Variants in CA1 observed in about 807,000 individuals in gnomAD.
CA1 encodes carbonic anhydrase 1, also known as carbonate dehydratase I.
CA1 carries 27 observed loss-of-function variants against 28.8 expected under a neutral mutation model. The ratio of observed to expected loss-of-function variants is 0.94; its 90% CI spans 0.69 to 1.29. CA1 has a LOEUF of 1.29. CA1 is among the 50% of genes most tolerant of loss of function. The probability of loss-of-function intolerance (pLI) is 0.00; values close to 1 mark genes in which losing one functional copy is unlikely to be tolerated. For synonymous variants in CA1, 121 were observed against 108.8 expected (o/e 1.11, Z -0.70); for missense variants, 335 against 310.5 (o/e 1.08, Z -0.59).
intron 1 of CA1, among the ~76,000 whole-genome samples, chr8:85,372,909 T>C (rs1203876031): frequency 1.3e-5 from 2 of 152,166 alleles, no homozygotes; most frequent in Non-Finnish European, 2.9e-5. Flanking sequence ...AGTGCTTGTG[T>C]TCAAGTAACC....
chr8:85,348,115 G>C (rs1433278140), intron 1 of CA1, among the ~76,000 whole-genome samples: 2 of 151,956 alleles, frequency 1.3e-5, no homozygotes, highest in Non-Finnish European at 2.9e-5. Context: ...TCTCCTTTAG[G>C]AAGAATACTG....
chr8:85,349,406 A>G (rs558515684), intron 1 of CA1, among the ~76,000 whole-genome samples: 1 of 152,362 alleles, frequency 6.6e-6, no homozygotes, highest in East Asian at 1.9e-4. Context: ...AATTCTTCCC[A>G]CTATGATAAA....
chr8:85,353,676 AT>A (rs34589707), intron 1 of CA1, among the ~76,000 whole-genome samples: 21 of 148,010 alleles, frequency 1.4e-4, no homozygotes, highest in Admixed American at 2.7e-4. Context: ...TACAAAGAGT[AT>A]TTTTTTTTTG....
At chr8:85,344,081 G>GTGTA (rs1554696660) in intron 1 of CA1, among the ~76,000 whole-genome samples, 1 of 128,572 alleles carries the variant, frequency 7.8e-6, no homozygotes, top group Non-Finnish European at 1.6e-5. Flanking sequence ...TAAACTAAAA[G>GTGTA]TATATATATA....
In CA1 at chr8:85,329,955, A is replaced by C; in HGVS notation, c.514-111T>G. Reference sequence around the variant, plus strand: ...ATACATTATTTAGAGATTTTAGCTAAGAGTCATTGATTTTTCTACTATTTA... The same window carrying C: ...ATACATTATTTAGAGATTTTAGCTACGAGTCATTGATTTTTCTACTATTTA... On this transcript the variant is annotated intron_variant, in intron 6 of 7. Transcript: ENST00000523022. 3 of 934,350 alleles carry C rather than the reference A, an allele frequency of 3.2e-6. No individual in the cohort carries two copies. The East Asian group carries it at 7.9e-5, about 25-fold the overall frequency. 57.9% of individuals were successfully genotyped at this position (934,350 alleles called of 1,614,324 possible).
chr8:85,367,040 T>C (rs187172547), intron 1 of CA1, among the ~76,000 whole-genome samples: 98 of 152,160 alleles, frequency 6.4e-4, no homozygotes, highest in Middle Eastern at 6.8e-3. Flanking sequence ...ACCTCATATT[T>C]AAAAGTTTAT....
intron 1 of CA1, among the ~76,000 whole-genome samples, chr8:85,347,019 G>C (rs1809219746): frequency 6.6e-6 from 1 of 152,168 alleles, no homozygotes; most frequent in South Asian, 2.1e-4. Flanking sequence ...GTGAAGGTCA[G>C]TTCTATTAAT....
intron 1 of CA1, among the ~76,000 whole-genome samples, chr8:85,362,847 T>G (rs944700186): frequency 6.6e-6 from 1 of 152,162 alleles, no homozygotes; most frequent in African/African-American, 2.4e-5. Flanking sequence ...TATATTATTT[T>G]GATGAAAATA....
intron 1 of CA1, among the ~76,000 whole-genome samples, chr8:85,345,018 G>T (rs1193540085): frequency 2.0e-5 from 3 of 152,144 alleles, no homozygotes; most frequent in Admixed American, 2.0e-4. Flanking sequence ...GTGGAGAAGT[G>T]GGTCATGGAA....
At chr8:85,340,493 G>T (rs954523011) in intron 2 of CA1, among the ~76,000 whole-genome samples, 2 of 152,204 alleles carry the variant, frequency 1.3e-5, no homozygotes, top group East Asian at 3.9e-4. Flanking sequence ...CAAGGAGATT[G>T]ATGTTATGCT....
intron 4 of CA1, among the ~76,000 whole-genome samples, 184 bp from the exon 5 acceptor site, chr8:85,333,804 A>G (rs1281697882): frequency 6.6e-6 from 1 of 152,226 alleles, no homozygotes; most frequent in Non-Finnish European, 1.5e-5. Flanking sequence ...TCTGTGTGCC[A>G]GGTAGAGATT....
chr8:85,356,095 A>G (rs1376902352), intron 1 of CA1, among the ~76,000 whole-genome samples: 1 of 152,180 alleles, frequency 6.6e-6, no homozygotes, highest in Non-Finnish European at 1.5e-5. Context: ...CCTCCAGCCC[A>G]AGAGTTTTTT....
chr8:85,341,324 C>T, intron 2 of CA1: 1 of 309,922 alleles, frequency 3.2e-6, no homozygotes, highest in Non-Finnish European at 5.9e-6. Flanking sequence ...ATGTGACTTG[C>T]TTTCTTGTGA....
chr8:85,347,545 G>A (rs1284717659), intron 1 of CA1, among the ~76,000 whole-genome samples: 1 of 152,172 alleles, frequency 6.6e-6, no homozygotes, highest in Non-Finnish European at 1.5e-5. Flanking sequence ...CTGGCCGCAA[G>A]TGAGGCTCAC....
intron 1 of CA1, among the ~76,000 whole-genome samples, chr8:85,347,959 A>G (rs1052256984): frequency 2.6e-5 from 4 of 152,226 alleles, no homozygotes; most frequent in African/African-American, 9.6e-5. Context: ...ATGTATAATT[A>G]TAACACTACT....
intron 2 of CA1, among the ~76,000 whole-genome samples, chr8:85,339,555 C>G (rs916612916): frequency 6.6e-6 from 1 of 152,154 alleles, no homozygotes; most frequent in African/African-American, 2.4e-5. Context: ...CCTGTAAGTA[C>G]TCCAGTGAGA....
At chr8:85,336,170 TA>T (rs1405963546) in intron 4 of CA1, among the ~76,000 whole-genome samples, 2 of 152,200 alleles carry the variant, frequency 1.3e-5, no homozygotes, top group Non-Finnish European at 2.9e-5. Context: ...TTCTGATTTT[TA>T]AAAATTGTCA....
intron 3 of CA1, chr8:85,337,265 C>A (rs75560355): frequency 2.3e-5 from 13 of 573,742 alleles, no homozygotes; most frequent in African/African-American, 2.1e-4. Flanking sequence ...CATTGATGAG[C>A]TATTCCATGA....
At chr8:85,332,648 A>G in intron 5 of CA1, 96 bp from the exon 6 acceptor site, 1 of 860,966 alleles carries the variant, frequency 1.2e-6, no homozygotes. Context: ...AACAACTGAC[A>G]AGAGGTAAGG....
Sources: gnomAD v4.1 joint callset for allele counts (sites outside exome capture counted in the v4.1 genomes callset) on GRCh38, gnomAD v4.1.1 for gene constraint, MANE v1.5 for transcripts, NCBI Gene and HGNC (gene_info 2026-07-23, HGNC 2026-07-21) for gene names.